ST3GAL4: variants seen among roughly 807,000 people sequenced by gnomAD.
ST3GAL4 encodes CMP-N-acetylneuraminate-beta-galactosamide-alpha-2,3-sialyltransferase 4.
Under a neutral mutation model 42.6 loss-of-function variants are expected in ST3GAL4, and 24 were observed. That is an observed-to-expected ratio of 0.56 (90% CI 0.41 to 0.79). ST3GAL4 has a LOEUF of 0.79. Ranked by LOEUF, ST3GAL4 falls within the 30% of genes least tolerant of loss-of-function variation. The pLI is 0.00. For missense variants in ST3GAL4, 311 were observed against 430.8 expected (o/e 0.72, Z 2.46); for synonymous variants, 135 against 163.2 (o/e 0.83, Z 1.32).
chr11:126,369,390 C>T (rs7103461), intron 1 of ST3GAL4, among the ~76,000 whole-genome samples: 7 of 151,736 alleles, frequency 4.6e-5, no homozygotes, highest in Non-Finnish European at 8.8e-5. Context: ...TGGGATTACA[C>T]GTGTGTGCCA....
In ST3GAL4 at chr11:126,410,449, G is replaced by A. The variant is rs533215234; in HGVS notation, c.771+1038G>A. On this transcript the variant is annotated intron_variant, in intron 9 of 10. Coordinates refer to ENST00000444328, the MANE Select transcript of ST3GAL4 (RefSeq NM_001254757.2). This position sits in a 1 kb window ranked among gnomAD's most constrained non-coding sequence, Gnocchi z 5.3. ...TGTGCTGTGTACTGTGTGGGGCTTGGCAGGTCAACTGCTCAGATCCTTGTT... is the reference window on the plus strand; with the variant it reads ...TGTGCTGTGTACTGTGTGGGGCTTGACAGGTCAACTGCTCAGATCCTTGTT... 6.6e-6 allele frequency among the ~76,000 whole-genome samples: 1 copy of A among 152,298 alleles called. No homozygotes were observed. The highest frequency in any genetic ancestry group is 2.1e-4 in the South Asian group (1 of 4,826).
chr11:126,372,837 G>GGAT (rs1952707833), intron 1 of ST3GAL4, among the ~76,000 whole-genome samples: 1 of 152,168 alleles, frequency 6.6e-6, no homozygotes, highest in African/African-American at 2.4e-5. Context: ...ATCCATTGAT[G>GGAT]GATACTTGGG....
chr11:126,382,691 C>T (rs1005398441), intron 1 of ST3GAL4, among the ~76,000 whole-genome samples: 2 of 152,158 alleles, frequency 1.3e-5, no homozygotes, highest in African/African-American at 4.8e-5. Flanking sequence ...CTGGGGTATT[C>T]CATGGGACCC....
At chr11:126,399,447 G>A (rs1425340232) in intron 1 of ST3GAL4, among the ~76,000 whole-genome samples, 1 of 151,004 alleles carries the variant, frequency 6.6e-6, no homozygotes, top group Non-Finnish European at 1.5e-5. Context: ...TGGGATTTCA[G>A]GTGTGTGCCA....
chr11:126,383,545 G>A lies in ST3GAL4; in HGVS notation c.-60-22551G>A, dbSNP rs1258207164. On this transcript the variant is annotated intron_variant, in intron 1 of 10. Transcript: ENST00000444328. This position sits in a 1 kb window ranked among gnomAD's most constrained non-coding sequence, Gnocchi z 4.5. ...AAGCTGTATGTGGGCATGGGGGGCG[G>A]GGGCAGAGAGGAGGAGGACTGAGAA... Among the ~76,000 whole-genome samples the A allele has an allele frequency of 6.6e-6, 1 of 152,174 alleles. No homozygotes were observed. The highest frequency in any genetic ancestry group is 1.5e-5 in the Non-Finnish European group (1 of 68,014).
intron 1 of ST3GAL4, among the ~76,000 whole-genome samples, chr11:126,360,543 C>T (rs1245305570): frequency 6.6e-6 from 1 of 152,186 alleles, no homozygotes; most frequent in Non-Finnish European, 1.5e-5. Context: ...CCTGCCTCAG[C>T]CTCCTGAGTA....
At chr11:126,395,259 C>T (rs73021441) in intron 1 of ST3GAL4, among the ~76,000 whole-genome samples, 12,221 of 152,056 alleles carry the variant, frequency 0.08, 652 homozygotes, top group East Asian at 0.26. Flanking sequence ...GCACTATTGT[C>T]AACATGGGTG....
Position 126,414,305 on chromosome 11 carries a change from C to G in ST3GAL4, c.*258C>G. 5.5e-6 allele frequency: 3 copies of G among 547,434 alleles called. No homozygotes were observed. The highest frequency in any genetic ancestry group is 3.3e-6 in the Non-Finnish European group (1 of 303,706). 33.9% of individuals were successfully genotyped at this position (547,434 alleles called of 1,614,324 possible). ...GGGGCTCGTTGCTGTGGCACCCCCT[C>G]TCTGCCAGCACCAAGAGATTATTTA... On this transcript the variant is annotated 3_prime_UTR_variant, in exon 11 of 11. Coordinates refer to ENST00000444328, the MANE Select transcript of ST3GAL4 (RefSeq NM_001254757.2).
chr11:126,366,354 TG>T lies in ST3GAL4; in HGVS notation c.-61+10517del, dbSNP rs1337783514. Among the ~76,000 whole-genome samples the T allele has an allele frequency of 6.6e-6, 1 of 151,724 alleles. No homozygotes were observed. Among genetic ancestry groups the T allele is most frequent in the Admixed American group, 6.6e-5 (1 of 15,252 alleles). On this transcript the variant is annotated intron_variant, in intron 1 of 10. Coordinates refer to ENST00000444328, the MANE Select transcript of ST3GAL4 (RefSeq NM_001254757.2). This position sits in a 1 kb window ranked among gnomAD's most constrained non-coding sequence, Gnocchi z 4.2. ...GAAGCTGTATGTGGGCATGGGGTGG[TG>T]GGGGCGTGCAGAGAGGAGGAGGACT... is the stretch of plus-strand genomic sequence containing the variant.
At chr11:126,403,308 G>A in intron 1 of ST3GAL4, 1 of 862,706 alleles carries the variant, frequency 1.2e-6, no homozygotes, top group Non-Finnish European at 1.4e-6. Context: ...AGGGCTAATT[G>A]TCTTGTTGTT....
intron 1 of ST3GAL4, among the ~76,000 whole-genome samples, chr11:126,372,541 C>T (rs1565398425): frequency 1.3e-5 from 2 of 151,888 alleles, no homozygotes; most frequent in South Asian, 4.2e-4. Flanking sequence ...CTCAGCTTCC[C>T]GAGTAGCTGG....
intron 1 of ST3GAL4, among the ~76,000 whole-genome samples, chr11:126,381,235 C>T (rs766050038): frequency 2.0e-5 from 3 of 152,174 alleles, no homozygotes; most frequent in Non-Finnish European, 2.9e-5. Flanking sequence ...CATTCAGCTG[C>T]CTGAGGGCCC....
chr11:126,392,500 T>C lies in ST3GAL4; in HGVS notation c.-60-13596T>C. 7.4e-6 allele frequency: 3 copies of C among 404,670 alleles called. No homozygotes were observed. The South Asian group carries it at 3.2e-4, about 43-fold the overall frequency. 25.1% of individuals were successfully genotyped at this position (404,670 alleles called of 1,614,324 possible). ...GGCTCTGCCAGCTCCCAGTGTGAGC[T>C]TCTAGCAAGCCCCTTGTGCCTTAGA... is the stretch of plus-strand genomic sequence containing the variant. On this transcript the variant is annotated intron_variant, in intron 1 of 10. Transcript: ENST00000444328. This position sits in a 1 kb window ranked among gnomAD's most constrained non-coding sequence, Gnocchi z 5.8.
chr11:126,391,817 A>G lies in ST3GAL4; in HGVS notation c.-60-14279A>G, dbSNP rs1006893510. Reference sequence around the variant, plus strand: ...CATGTGTCTGGGGAGGGCAGAACCCAGCGTCACTGACACCCTCCAGATACA... The same window carrying G: ...CATGTGTCTGGGGAGGGCAGAACCCGGCGTCACTGACACCCTCCAGATACA... On this transcript the variant is annotated intron_variant, in intron 1 of 10. Coordinates refer to ENST00000444328, the MANE Select transcript of ST3GAL4 (RefSeq NM_001254757.2). This position sits in a 1 kb window ranked among gnomAD's most constrained non-coding sequence, Gnocchi z 5.5. Among the ~76,000 whole-genome samples, 1 of 152,098 alleles carries G rather than the reference A, an allele frequency of 6.6e-6. No individual in the cohort carries two copies. The highest frequency in any genetic ancestry group is 1.5e-5 in the Non-Finnish European group (1 of 68,036).
chr11:126,411,612 C>G lies in ST3GAL4; in HGVS notation c.772-1893C>G, dbSNP rs1179195939. Among the ~76,000 whole-genome samples, 1 of 152,154 alleles carries G rather than the reference C, an allele frequency of 6.6e-6. No homozygotes were observed. The highest frequency in any genetic ancestry group is 2.4e-5 in the African/African-American group (1 of 41,422). On this transcript the variant is annotated intron_variant, in intron 9 of 10. Transcript: ENST00000444328. This position sits in a 1 kb window ranked among gnomAD's most constrained non-coding sequence, Gnocchi z 6.3. ...CAACCAGACAGTTCTCATCTGGAAG[C>G]TTGGGGGAAAATTTTGCTTCCAGGC...
intron 1 of ST3GAL4, among the ~76,000 whole-genome samples, chr11:126,360,265 G>A (rs1952201772): frequency 6.6e-6 from 1 of 152,250 alleles, no homozygotes; most frequent in Admixed American, 6.5e-5. Flanking sequence ...GCAAGGGACT[G>A]ACGAGGGCAG....
At chr11:126,369,236 T>TTC (rs571045026) in intron 1 of ST3GAL4, among the ~76,000 whole-genome samples, 1 of 150,842 alleles carries the variant, frequency 6.6e-6, no homozygotes, top group Admixed American at 6.7e-5. Context: ...GCCTTTTTCT[T>TTC]TCTCTCTCTC....
In ST3GAL4 at chr11:126,378,222, A is replaced by G. The variant is rs1437355339; in HGVS notation, c.-61+22380A>G. Among the ~76,000 whole-genome samples, 1 of 152,196 alleles carries G rather than the reference A, an allele frequency of 6.6e-6. No individual in the cohort carries two copies. The highest frequency in any genetic ancestry group is 1.5e-5 in the Non-Finnish European group (1 of 68,030). On this transcript the variant is annotated intron_variant, in intron 1 of 10. Coordinates refer to ENST00000444328, the MANE Select transcript of ST3GAL4 (RefSeq NM_001254757.2). The surrounding 1 kb of genome is among the most constrained non-coding windows in gnomAD (Gnocchi z 5.3). ...TAAAATGAATAATTCGGTGTTATCG[A>G]TAGAAAGGGTCAAAGTGCATCCTAT...
At chr11:126,358,200 C>T (rs1007733163) in intron 1 of ST3GAL4, among the ~76,000 whole-genome samples, 1 of 152,250 alleles carries the variant, frequency 6.6e-6, no homozygotes, top group Non-Finnish European at 1.5e-5. Context: ...CCCCTCAGTT[C>T]AGTCGCACTG....
Sources: allele counts gnomAD v4.1 joint callset (sites outside exome capture counted in the v4.1 genomes callset), GRCh38; gene constraint gnomAD v4.1.1; non-coding constraint Gnocchi (gnomAD v3.1); transcripts MANE v1.5; gene names NCBI Gene and HGNC (gene_info 2026-07-23, HGNC 2026-07-21).